Variants in PLEKHG5 observed in about 807,000 individuals in gnomAD.
The protein encoded by PLEKHG5 is pleckstrin homology and RhoGEF domain containing G5, also known as pleckstrin homology domain-containing family G member 5.
PLEKHG5 carries 52 observed loss-of-function variants against 103.8 expected under a neutral mutation model. The observed-to-expected ratio is 0.50, with a 90% CI of 0.40 to 0.63. The LOEUF is 0.63. Ranked by LOEUF, PLEKHG5 falls within the 30% of genes least tolerant of loss-of-function variation. The pLI is 0.00. For missense variants in PLEKHG5, 1,205 were observed against 1,347.6 expected, an observed-to-expected ratio of 0.89 and a Z score of 1.66; for synonymous variants, 592 against 575.5, an observed-to-expected ratio of 1.03 and a Z score of -0.41.
intron 1 of PLEKHG5, among the ~76,000 whole-genome samples, chr1:6,504,732 G>C (rs1638256691): frequency 6.6e-6 from 1 of 152,080 alleles, no homozygotes; most frequent in Admixed American, 6.5e-5. Context: ...ACCACGCCCA[G>C]CTAATTTTTT....
At chr1:6,468,909 G>C in intron 19 of PLEKHG5, 133 bp downstream of exon 19, 2 of 818,004 alleles carry the variant, frequency 2.4e-6, no homozygotes, top group Non-Finnish European at 4.1e-6. Context: ...CTCTGGGGGA[G>C]ACAGAGCCCC....
chr1:6,517,074 CCCA>C (rs1467008098), intron 1 of PLEKHG5, among the ~76,000 whole-genome samples: 1,125 of 93,866 alleles, frequency 0.012, 8 homozygotes, highest in African/African-American at 0.032. Context: ...ATGGTGAAAC[CCCA>C]TCTCCACTAA....
At chr1:6,502,786 TG>T (rs1236888120) in intron 1 of PLEKHG5, among the ~76,000 whole-genome samples, 2 of 152,214 alleles carry the variant, frequency 1.3e-5, no homozygotes, top group Non-Finnish European at 2.9e-5. Context: ...AGGGTCTGGC[TG>T]GCACAGAGGA....
Position 6,469,216 on chromosome 1 carries a change from T to C in PLEKHG5, c.2075A>G (p.Gln692Arg). 6.2e-7 allele frequency: 1 copy of C among 1,613,300 alleles called. No homozygotes were observed. Among genetic ancestry groups the C allele is most frequent in the Non-Finnish European group, 8.5e-7 (1 of 1,179,956 alleles). ...GGGCTGCTGACTGCCTGGGGGCTCC[T>C]GTGCACGCAGCTGTTGCAGCTGGTT... ...AQNQLQQLRAQEPPGSQQPLQ... is the reference protein window; with the variant it reads ...AQNQLQQLRAREPPGSQQPLQ... The change falls in exon 19 of 21, where the codon CAG becomes CGG. Residue 692 changes from glutamine (Q) to arginine (R), a missense_variant. Coordinates refer to ENST00000377728, the MANE Select transcript of PLEKHG5 (RefSeq NM_020631.6).
chr1:6,471,464 G>A (rs373092930), intron 12 of PLEKHG5, 24 bp downstream of exon 12: 10 of 1,604,722 alleles, frequency 6.2e-6, no homozygotes, highest in Non-Finnish European at 8.5e-6. Flanking sequence ...CAGTGCCCCC[G>A]CCTGCGCCCG....
intron 1 of PLEKHG5, among the ~76,000 whole-genome samples, chr1:6,483,878 G>T (rs923010978): frequency 3.9e-5 from 6 of 152,222 alleles, no homozygotes; most frequent in Admixed American, 1.3e-4. Flanking sequence ...CCGTCTGCGG[G>T]CTCCGCAGCC....
chr1:6,468,961 G>A, intron 19 of PLEKHG5, 81 bp downstream of exon 19: 1 of 1,150,472 alleles, frequency 8.7e-7, no homozygotes, highest in Middle Eastern at 1.9e-4. Flanking sequence ...GGGAGGAAGG[G>A]AGCGTGGCTG....
upstream of PLEKHG5, among the ~76,000 whole-genome samples, chr1:6,498,606 G>T (rs1383980277): frequency 6.6e-6 from 1 of 152,186 alleles, no homozygotes; most frequent in Non-Finnish European, 1.5e-5. Context: ...CCCTTTGGGG[G>T]GCAGCACATC....
chr1:6,516,866 G>GTGTGTGTATATATATATA (rs1288870331), intron 1 of PLEKHG5, among the ~76,000 whole-genome samples: 2 of 25,828 alleles, frequency 7.7e-5, no homozygotes, highest in Admixed American at 8.0e-4. Flanking sequence ...GTATATATGT[G>GTGTGTGTATATATATATA]TATATATATA....
rs1644588015 is a variant in PLEKHG5, at chr1:6,471,543, GC to G, written c.1225del (p.Ala409ArgfsTer67). The stretch of plus-strand genomic sequence containing the variant: ...CTGTAGCAGCGCTCGCGTGCGCCGC[GC>G]CTTCTCCAGCACCGGCGCCATCACG... ...ASVMAPVLEK[A>X]RRTRALLQPG... On this transcript the variant is annotated frameshift_variant, in exon 12 of 21. Transcript: ENST00000377728. LOFTEE classifies it high-confidence loss of function. The G allele has an allele frequency of 6.2e-7, 1 of 1,607,972 alleles. No individual in the cohort carries two copies. Among genetic ancestry groups the G allele is most frequent in the Non-Finnish European group, 8.5e-7 (1 of 1,178,132 alleles).
chr1:6,496,522 C>T (rs763049504), upstream of PLEKHG5: 76 of 1,603,252 alleles, frequency 4.7e-5, no homozygotes, highest in South Asian at 7.5e-4. Context: ...TCCATGCAGG[C>T]GGGGTTCTGA....
intron 20 of PLEKHG5, 59 bp downstream of exon 20, chr1:6,467,766 A>G (rs2148573740): frequency 1.3e-6 from 2 of 1,564,910 alleles, no homozygotes; most frequent in East Asian, 4.5e-5. Context: ...CCCAGGCATG[A>G]GTGGGCCCCC....
intron 1 of PLEKHG5, chr1:6,485,267 G>T: frequency 2.6e-6 from 3 of 1,168,876 alleles, no homozygotes; most frequent in Non-Finnish European, 3.3e-6. Context: ...AGGACTGGGC[G>T]GCTGCAGGCG....
At chr1:6,489,748 G>A (rs1268028676) in intron 1 of PLEKHG5, among the ~76,000 whole-genome samples, 1 of 152,198 alleles carries the variant, frequency 6.6e-6, no homozygotes. Flanking sequence ...TCCCCTACTG[G>A]GCCTCAATTT....
upstream of PLEKHG5, chr1:6,497,096 T>A: frequency 6.8e-7 from 1 of 1,461,318 alleles, no homozygotes; most frequent in Non-Finnish European, 9.1e-7. This position sits in a 1 kb window ranked among gnomAD's most constrained non-coding sequence, Gnocchi z 6.1. Flanking sequence ...TGCACCGCGG[T>A]GGGGGCAGAG....
intron 1 of PLEKHG5, among the ~76,000 whole-genome samples, chr1:6,483,856 C>T (rs1021501516): frequency 3.3e-5 from 5 of 152,246 alleles, no homozygotes; most frequent in African/African-American, 1.2e-4. Flanking sequence ...GTCCCCTCTT[C>T]CTGGGAGCCC....
chr1:6,479,411 T>C (rs950534563), intron 1 of PLEKHG5, among the ~76,000 whole-genome samples: 10 of 150,230 alleles, frequency 6.7e-5, no homozygotes, highest in African/African-American at 2.0e-4. Context: ...CTCAGCCTCC[T>C]GAGTAGCTGG....
chr1:6,486,634 C>A lies in PLEKHG5; in HGVS notation c.-88+5003G>T, dbSNP rs1484336197. Among the ~76,000 whole-genome samples, 1 of 152,184 alleles carries A rather than the reference C, an allele frequency of 6.6e-6. No individual in the cohort carries two copies. Among genetic ancestry groups the A allele is most frequent in the Admixed American group, 6.5e-5 (1 of 15,284 alleles). On this transcript the variant is annotated intron_variant, in intron 1 of 20. Coordinates refer to ENST00000377728, the MANE Select transcript of PLEKHG5 (RefSeq NM_020631.6). This position sits in a 1 kb window ranked among gnomAD's most constrained non-coding sequence, Gnocchi z 5.3. Reference sequence around the variant, plus strand: ...AGGTCCCTGCAGTTCTAGGCCAGGTCCCCACCGCCAGGGGGCACTCAGCAA... The same window carrying A: ...AGGTCCCTGCAGTTCTAGGCCAGGTACCCACCGCCAGGGGGCACTCAGCAA...
chr1:6,475,961 T>G lies in PLEKHG5; in HGVS notation c.119A>C (p.Glu40Ala). ...GCCATCCACAGAGCTCTCCTCCTCC[T>G]CCTCCTCCAAGTCCACTGCGGGGCT... is the stretch of plus-strand genomic sequence containing the variant. ...RTSPAVDLEE[E>A]EEESSVDGKG... The change falls in exon 3 of 21, where the codon GAG (glutamate) becomes GCG (alanine). Residue 40 changes from glutamate to alanine, a missense_variant. By Grantham distance (107) the Glu-to-Ala change is moderately radical. Transcript: ENST00000377728. 1 of 1,613,970 alleles carries G rather than the reference T, an allele frequency of 6.2e-7. No homozygotes were observed. The highest frequency in any genetic ancestry group is 8.5e-7 in the Non-Finnish European group (1 of 1,180,000).
Sources: gnomAD v4.1 joint callset for allele counts (sites outside exome capture counted in the v4.1 genomes callset) on GRCh38, gnomAD v4.1.1 for gene constraint, Gnocchi (gnomAD v3.1) non-coding constraint, MANE v1.5 for transcripts, NCBI Gene and HGNC (gene_info 2026-07-23, HGNC 2026-07-21) for gene names.